AGBL1: variants seen among roughly 807,000 people sequenced by gnomAD.
AGBL1 encodes the protein AGBL carboxypeptidase 1, also known as cytosolic carboxypeptidase 4.
In AGBL1, 130 loss-of-function variants were observed where a neutral mutation model predicts 118.9. The observed-to-expected ratio is 1.09, with a 90% confidence interval of 0.95 to 1.26. The LOEUF (loss-of-function observed/expected upper bound fraction) is 1.26. Ranked by LOEUF, AGBL1 falls within the 50% of genes most tolerant of loss-of-function variation. The pLI, the probability that AGBL1 is intolerant of heterozygous loss-of-function variation, is 0.00. For synonymous variants in AGBL1, 555 were observed against 478.9 expected, an observed-to-expected ratio of 1.16 and a Z score of -2.08; for missense variants, 1,584 against 1,298.1, an observed-to-expected ratio of 1.22 and a Z score of -3.38.
In AGBL1 at chr15:86,674,471, C is replaced by G. The variant is rs114044818; in HGVS notation, c.3158+35C>G. 4.0e-4 allele frequency: 631 copies of G among 1,580,736 alleles called. 3 individuals carry two copies. In the African/African-American group the frequency reaches 6.8e-3, roughly 17 times the overall value. On this transcript the variant is annotated intron_variant, in intron 22 of 22. Coordinates refer to ENST00000614907, the MANE Select transcript of AGBL1 (RefSeq NM_001386094.1). Reference sequence around the variant, plus strand: ...TCCCAAGGGCTCAGAGAAATTTGGACCTTGGTGGTTCCATTGCTCAATATC... The same window carrying G: ...TCCCAAGGGCTCAGAGAAATTTGGAGCTTGGTGGTTCCATTGCTCAATATC...
intron 24 of AGBL1, among the ~76,000 whole-genome samples, chr15:87,000,804 T>C (rs1271688410): frequency 5.5e-5 from 8 of 144,618 alleles, no homozygotes; most frequent in Non-Finnish European, 1.2e-4. Context: ...ATTGAATCTG[T>C]AAATTACCTT....
At chr15:86,360,051 C>T (rs2080780110) in intron 17 of AGBL1, among the ~76,000 whole-genome samples, 1 of 151,858 alleles carries the variant, frequency 6.6e-6, no homozygotes, top group African/African-American at 2.4e-5. Context: ...GTCTTATTTG[C>T]TGTGGATAGG....
At chr15:86,979,832 A>T (rs913490900) in intron 23 of AGBL1, among the ~76,000 whole-genome samples, 1 of 152,116 alleles carries the variant, frequency 6.6e-6, no homozygotes. Context: ...ACTTGAAACC[A>T]TATTAGAGTG....
chr15:86,794,242 C>G (rs1360665108), intron 22 of AGBL1, among the ~76,000 whole-genome samples: 1 of 152,132 alleles, frequency 6.6e-6, no homozygotes, highest in Admixed American at 6.6e-5. Context: ...AGTGGTGTGT[C>G]TATACAACAG....
At chr15:86,738,977 A>T (rs577243402) in intron 22 of AGBL1, among the ~76,000 whole-genome samples, 117 of 152,160 alleles carry the variant, frequency 7.7e-4, no homozygotes, top group African/African-American at 2.7e-3. Flanking sequence ...ATCTCTAAAA[A>T]AAAAATAAAA....
intron 19 of AGBL1, among the ~76,000 whole-genome samples, chr15:86,533,834 C>T (rs1297422661): frequency 2.2e-5 from 2 of 89,812 alleles, no homozygotes; most frequent in Non-Finnish European, 4.0e-5. Flanking sequence ...AAATTGGAAA[C>T]CATCATTCTC....
intron 22 of AGBL1, among the ~76,000 whole-genome samples, chr15:86,866,277 A>G (rs1217742806): frequency 6.6e-6 from 1 of 152,222 alleles, no homozygotes; most frequent in Non-Finnish European, 1.5e-5. Context: ...ATCATTGCCT[A>G]TATACCATTT....
At chr15:86,193,226 T>C (rs2077750550) in intron 5 of AGBL1, among the ~76,000 whole-genome samples, 1 of 152,146 alleles carries the variant, frequency 6.6e-6, no homozygotes, top group African/African-American at 2.4e-5. Context: ...CCCTTATTTT[T>C]GCCCAGCTTC....
chr15:86,739,934 T>C (rs1038215885), intron 22 of AGBL1, among the ~76,000 whole-genome samples: 3 of 152,238 alleles, frequency 2.0e-5, no homozygotes, highest in Non-Finnish European at 4.4e-5. Flanking sequence ...GGTTTTCTGA[T>C]GCTGCAGCTG....
intron 21 of AGBL1, among the ~76,000 whole-genome samples, chr15:86,579,101 G>A (rs945348329): frequency 1.2e-4 from 19 of 152,208 alleles, no homozygotes; most frequent in African/African-American, 2.9e-4. Flanking sequence ...TTTCAGTGGC[G>A]TCCTAAATGC....
chr15:86,468,889 A>C (rs1251441368), intron 18 of AGBL1, among the ~76,000 whole-genome samples: 2 of 152,174 alleles, frequency 1.3e-5, no homozygotes, highest in Non-Finnish European at 2.9e-5. Context: ...CTTGGAACCT[A>C]AATGAAGTGG....
chr15:86,954,884 T>A (rs1350213802), intron 23 of AGBL1, among the ~76,000 whole-genome samples: 1 of 152,232 alleles, frequency 6.6e-6, no homozygotes, highest in Non-Finnish European at 1.5e-5. Context: ...TATGGTTATA[T>A]CTTTTTTGAC....
At chr15:86,503,224 T>C (rs1193682229) in intron 18 of AGBL1, among the ~76,000 whole-genome samples, 1 of 151,552 alleles carries the variant, frequency 6.6e-6, no homozygotes. Context: ...GGTTTTCTTA[T>C]TTGTTGGCAT....
At chr15:86,311,780 G>A (rs1224107458) in intron 17 of AGBL1, among the ~76,000 whole-genome samples, 1 of 152,138 alleles carries the variant, frequency 6.6e-6, no homozygotes, top group Non-Finnish European at 1.5e-5. Flanking sequence ...ACCACACCCA[G>A]CTGTTCTGAT....
rs552580136 is a variant in AGBL1, at chr15:86,390,752, C to T, written c.2375-6614C>T. Among the ~76,000 whole-genome samples the T allele has an allele frequency of 1.4e-3, 185 of 132,684 alleles. 1 individual carries two copies. Among genetic ancestry groups the T allele is most frequent in the African/African-American group, 5.0e-3 (179 of 35,504 alleles). 87.0% of individuals were successfully genotyped at this position (132,684 alleles called of 152,430 possible). On this transcript the variant is annotated intron_variant, in intron 17 of 22. Coordinates refer to ENST00000614907, the MANE Select transcript of AGBL1 (RefSeq NM_001386094.1). ...TGGTGTGATCTTGGCTCACTGCAAACTCCGCCTATTGAGTTCTAGCGATTC... is the reference window on the plus strand; with the variant it reads ...TGGTGTGATCTTGGCTCACTGCAAATTCCGCCTATTGAGTTCTAGCGATTC...
At chr15:86,292,522 TTG>T (rs1015047145) in intron 16 of AGBL1, among the ~76,000 whole-genome samples, 5 of 152,118 alleles carry the variant, frequency 3.3e-5, no homozygotes, top group African/African-American at 4.8e-5. Context: ...CCTACAAAAT[TTG>T]TGATGATTCC....
intron 23 of AGBL1, among the ~76,000 whole-genome samples, chr15:86,935,970 G>C (rs2141644124): frequency 6.6e-6 from 1 of 152,372 alleles, no homozygotes; most frequent in Admixed American, 6.5e-5. Flanking sequence ...TGAAAGACTT[G>C]AATAAAGGAG....
chr15:86,690,209 T>C (rs2086138552), intron 22 of AGBL1, among the ~76,000 whole-genome samples: 2 of 152,118 alleles, frequency 1.3e-5, no homozygotes. Context: ...TGTAATGAAA[T>C]TAAAGTCTTG....
At chr15:86,721,233 C>G (rs191527256) in intron 22 of AGBL1, among the ~76,000 whole-genome samples, 2 of 152,066 alleles carry the variant, frequency 1.3e-5, no homozygotes, top group Admixed American at 6.6e-5. Flanking sequence ...TGATGAACAT[C>G]GATGCAAAAA....
Sources: gnomAD v4.1 joint callset for allele counts (sites outside exome capture counted in the v4.1 genomes callset) on GRCh38, gnomAD v4.1.1 for gene constraint, MANE v1.5 for transcripts, NCBI Gene and HGNC (gene_info 2026-07-23, HGNC 2026-07-21) for gene names.